RTTN: variants seen among roughly 807,000 people sequenced by gnomAD.
RTTN encodes the protein rotatin.
RTTN carries 182 observed loss-of-function variants against 269.2 expected under a neutral mutation model. The ratio of observed to expected loss-of-function variants is 0.68; its 90% CI spans 0.60 to 0.76. The LOEUF (loss-of-function observed/expected upper bound fraction) is 0.76, where lower values mean the gene tolerates loss of function less well. RTTN is among the 30% of genes least tolerant of loss of function. The pLI is 0.00. For missense variants in RTTN, 2,545 were observed against 2,608.6 expected (o/e 0.98, Z 0.53); for synonymous variants, 1,006 against 963.5 (o/e 1.04, Z -0.82).
At chr18:70,142,145 A>C (rs1412374243) in intron 19 of RTTN, 143 bp downstream of exon 19, 2 of 584,786 alleles carry the variant, frequency 3.4e-6, no homozygotes, top group African/African-American at 1.9e-5. Flanking sequence ...AGATGCAAAA[A>C]CCATTCTTGA....
rs367785889 is a variant in RTTN at position 70,092,121 on chromosome 18, G to C, written c.4132C>G (p.Arg1378Gly). ...LAWLIPLWVD[R>G]DPEVRFTSLG... Reference sequence around the variant, plus strand: ...TCCTTCACACTCACCTCTGGGTCCCGATCAACCCATAATGGAATCAACCAA... The same window carrying C: ...TCCTTCACACTCACCTCTGGGTCCCCATCAACCCATAATGGAATCAACCAA... The change falls in exon 30 of 49, where the codon CGG becomes GGG. Residue 1378 changes from arginine to glycine, a missense_variant. Coordinates refer to ENST00000640769, the MANE Select transcript of RTTN (RefSeq NM_173630.4). 1.2e-6 allele frequency: 2 copies of C among 1,605,378 alleles called. No homozygotes were observed. Among genetic ancestry groups the C allele is most frequent in the African/African-American group, 1.3e-5 (1 of 74,608 alleles).
chr18:70,086,597 G>A lies in RTTN; in HGVS notation c.4374+16C>T. 7 of 1,430,022 alleles carry A rather than the reference G, an allele frequency of 4.9e-6. No individual in the cohort carries two copies. Among genetic ancestry groups the A allele is most frequent in the Non-Finnish European group, 6.6e-6 (7 of 1,060,872 alleles). The allele number at this position is 1,430,022 out of a possible 1,614,324, so 88.6% of individuals were successfully genotyped here. On this transcript the variant is annotated intron_variant, in intron 32 of 48. Coordinates refer to ENST00000640769, the MANE Select transcript of RTTN (RefSeq NM_173630.4). ...TGAAACATCTACTAGGTTGATAATT[G>A]TTTAAAATCACCCACCTGCCAAGTA...
chr18:70,169,214 T>C (rs1220630272), intron 11 of RTTN, 147 bp from the exon 12 acceptor site: 1 of 572,694 alleles, frequency 1.7e-6, no homozygotes, highest in Non-Finnish European at 2.9e-6. Flanking sequence ...CCAAAGAAAA[T>C]CCCATTTCCC....
intron 8 of RTTN, 50 bp from the exon 9 acceptor site, chr18:70,190,769 C>T (rs374482276): frequency 2.8e-5 from 37 of 1,334,256 alleles, no homozygotes; most frequent in Middle Eastern, 1.8e-4. Context: ...AATCCCCAAA[C>T]AGATTTACTG....
chr18:70,022,989 A>G (rs947871073), intron 44 of RTTN, among the ~76,000 whole-genome samples: 3 of 152,174 alleles, frequency 2.0e-5, no homozygotes, highest in African/African-American at 7.2e-5. Context: ...GCCAGCCTCC[A>G]AGATGGTCCC....
In RTTN at chr18:70,086,420, A is replaced by T. The variant is rs540573587; in HGVS notation, c.4374+193T>A. ...TGTTAACTATTATTATTTGCTTTAA[A>T]TTATTGTGAACACTATAGAGAAGAA... On this transcript the variant is annotated intron_variant, in intron 32 of 48. Coordinates refer to ENST00000640769, the MANE Select transcript of RTTN (RefSeq NM_173630.4). Among the ~76,000 whole-genome samples the T allele has an allele frequency of 2.4e-3, 368 of 152,264 alleles. 1 individual carries two copies. Among genetic ancestry groups the T allele is most frequent in the African/African-American group, 8.3e-3 (346 of 41,548 alleles).
At chr18:70,117,281 C>A (rs940925469) in intron 26 of RTTN, among the ~76,000 whole-genome samples, 6 of 152,022 alleles carry the variant, frequency 3.9e-5, no homozygotes, top group African/African-American at 1.4e-4. Context: ...TTTTACTGAG[C>A]TTCTTAAATC....
At chr18:70,024,242 C>G (rs889182026) in intron 44 of RTTN, among the ~76,000 whole-genome samples, 8 of 152,184 alleles carry the variant, frequency 5.3e-5, no homozygotes, top group Admixed American at 4.6e-4. Flanking sequence ...CTCACCAGAA[C>G]TCACAATGCA....
At chr18:70,072,326 T>TA (rs1394904898) in intron 34 of RTTN, among the ~76,000 whole-genome samples, 3 of 152,138 alleles carry the variant, frequency 2.0e-5, no homozygotes, top group Non-Finnish European at 2.9e-5. Flanking sequence ...AAAATTCTTT[T>TA]AAAAAAACTG....
intron 36 of RTTN, 74 bp downstream of exon 36, chr18:70,059,776 G>T (rs554243671): frequency 5.0e-6 from 5 of 990,672 alleles, no homozygotes; most frequent in African/African-American, 1.6e-5. Context: ...AAGAAATCTT[G>T]TATCAAGTCA....
At chr18:70,155,118 C>T (rs2060640010) in intron 14 of RTTN, among the ~76,000 whole-genome samples, 1 of 152,206 alleles carries the variant, frequency 6.6e-6, no homozygotes, top group Admixed American at 6.5e-5. Flanking sequence ...TAATTAGCTA[C>T]TTGCTACCCA....
chr18:70,204,475 T>C (rs533197344), intron 2 of RTTN, among the ~76,000 whole-genome samples: 2 of 152,326 alleles, frequency 1.3e-5, no homozygotes, highest in East Asian at 1.9e-4. Flanking sequence ...TTATGAAAGA[T>C]GAGCCAACAC....
intron 11 of RTTN, among the ~76,000 whole-genome samples, chr18:70,176,209 GTATATGTATATGTAT>G (rs1568516208): frequency 8.7e-4 from 62 of 71,168 alleles, no homozygotes; most frequent in South Asian, 4.4e-3. Context: ...AGATGTATAT[GTATATGTATATGTAT>G]ATGTATATGT....
chr18:70,028,382 T>C (rs578073940), intron 43 of RTTN, among the ~76,000 whole-genome samples: 1 of 152,166 alleles, frequency 6.6e-6, no homozygotes, highest in South Asian at 2.1e-4. Context: ...TAGATACAGA[T>C]AGCTTCACTT....
At chr18:70,112,483 C>CA (rs36147576) in intron 27 of RTTN, among the ~76,000 whole-genome samples, 1,389 of 68,034 alleles carry the variant, frequency 0.02, 92 homozygotes, top group African/African-American at 0.058. Context: ...AAATGGAAAG[C>CA]AAAAAAAAAA....
chr18:70,023,017 T>A (rs906238647), intron 44 of RTTN, among the ~76,000 whole-genome samples: 12 of 152,196 alleles, frequency 7.9e-5, no homozygotes, highest in African/African-American at 2.9e-4. Flanking sequence ...CCTGCCTCTG[T>A]ACCAGGGTTG....
intron 11 of RTTN, among the ~76,000 whole-genome samples, chr18:70,174,539 A>G (rs2061236238): frequency 6.6e-6 from 1 of 152,146 alleles, no homozygotes; most frequent in African/African-American, 2.4e-5. Flanking sequence ...GTAGCAATTC[A>G]GCATAGTGTT....
At chr18:70,154,822 G>C (rs1262272845) in intron 14 of RTTN, among the ~76,000 whole-genome samples, 1 of 152,080 alleles carries the variant, frequency 6.6e-6, no homozygotes, top group Non-Finnish European at 1.5e-5. Context: ...ACACCAGCTA[G>C]CCAAAGATAA....
intron 40 of RTTN, chr18:70,031,497 T>G (rs1001931113): frequency 2.5e-6 from 1 of 396,670 alleles, no homozygotes; most frequent in African/African-American, 2.1e-5. Flanking sequence ...CAAAAAATAG[T>G]GTGTAACTTT....
Sources: gnomAD v4.1 joint callset for allele counts (sites outside exome capture counted in the v4.1 genomes callset) on GRCh38, gnomAD v4.1.1 for gene constraint, MANE v1.5 for transcripts, NCBI Gene and HGNC (gene_info 2026-07-23, HGNC 2026-07-21) for gene names.